LPXN: variants seen among roughly 807,000 people sequenced by gnomAD.
The protein encoded by LPXN is leupaxin.
A neutral mutation model predicts 45.6 loss-of-function variants in LPXN; 28 were observed. That is an observed-to-expected ratio of 0.61 (90% CI 0.45 to 0.84). The LOEUF is 0.84. Among genes scored for constraint, LPXN ranks in the 40% least tolerant of loss-of-function variants. The pLI is 0.00. For missense variants in LPXN, 459 were observed against 475.0 expected, an observed-to-expected ratio of 0.97 and a Z score of 0.31; for synonymous variants, 166 against 169.9, an observed-to-expected ratio of 0.98 and a Z score of 0.18.
At chr11:58,554,361 A>T (rs1028181650) in intron 4 of LPXN, among the ~76,000 whole-genome samples, 12 of 151,992 alleles carry the variant, frequency 7.9e-5, no homozygotes, top group Non-Finnish European at 1.5e-4. Context: ...CTTCCACATC[A>T]TCAAGCCTTA....
At chr11:58,538,018 T>C in intron 7 of LPXN, among the ~76,000 whole-genome samples, 1 of 149,072 alleles carries the variant, frequency 6.7e-6, no homozygotes, top group Non-Finnish European at 1.5e-5. Flanking sequence ...TGAGAACATG[T>C]GGCGTTTGGT....
chr11:58,575,631 A>T, intron 1 of LPXN, 129 bp downstream of exon 1: 1 of 1,064,188 alleles, frequency 9.4e-7, no homozygotes, highest in Non-Finnish European at 1.5e-6. Context: ...AGGGCTGAGG[A>T]CAGGAAAGAA....
chr11:58,538,604 T>C (rs754205406), intron 7 of LPXN, among the ~76,000 whole-genome samples: 1 of 152,156 alleles, frequency 6.6e-6, no homozygotes. Context: ...TTTTTATATA[T>C]ACTGGAAATT....
intron 2 of LPXN, among the ~76,000 whole-genome samples, chr11:58,567,399 T>C (rs1459836904): frequency 6.6e-6 from 1 of 152,224 alleles, no homozygotes; most frequent in Non-Finnish European, 1.5e-5. Flanking sequence ...AATTAATACA[T>C]TTTTGAATTG....
intron 7 of LPXN, among the ~76,000 whole-genome samples, chr11:58,547,214 CCTT>C (rs1463202751): frequency 1.5e-4 from 23 of 152,228 alleles, no homozygotes; most frequent in African/African-American, 5.5e-4. Context: ...TATCCATGGT[CCTT>C]CTATGAAAAT....
intron 7 of LPXN, among the ~76,000 whole-genome samples, chr11:58,529,176 T>C (rs537354222): frequency 2.4e-4 from 37 of 152,252 alleles, no homozygotes; most frequent in African/African-American, 7.9e-4. Context: ...TTTAGCTACA[T>C]AAAAATATAT....
chr11:58,570,737 T>G (rs1164262988), intron 1 of LPXN, 24 bp from the exon 2 acceptor site: 3 of 1,574,258 alleles, frequency 1.9e-6, no homozygotes, highest in Non-Finnish European at 2.6e-6. Flanking sequence ...AGCAAGAGAA[T>G]CATGACAGAG....
chr11:58,568,789 A>C (rs1164861042), intron 2 of LPXN, among the ~76,000 whole-genome samples: 1 of 152,204 alleles, frequency 6.6e-6, no homozygotes, highest in African/African-American at 2.4e-5. Context: ...TGTGAGAAAA[A>C]CAAGCATAAA....
At chr11:58,578,412 G>A (rs768742594), upstream of LPXN, among the ~76,000 whole-genome samples, 21 of 147,654 alleles carry the variant, frequency 1.4e-4, no homozygotes, top group African/African-American at 5.1e-4. Context: ...GAATGCCCTT[G>A]GTTAAGTTAA....
At chr11:58,557,532 G>A (rs1202349580) in intron 3 of LPXN, among the ~76,000 whole-genome samples, 1 of 152,144 alleles carries the variant, frequency 6.6e-6, no homozygotes, top group Non-Finnish European at 1.5e-5. Flanking sequence ...TAGATACACT[G>A]GTGATGAGAG....
At chr11:58,577,990 A>T, upstream of LPXN, 2 of 1,550,146 alleles carry the variant, frequency 1.3e-6, no homozygotes, top group Non-Finnish European at 1.7e-6. Flanking sequence ...GCTGACCTCT[A>T]GGAGCTCACA....
chr11:58,530,013 G>T (rs1293538812), intron 7 of LPXN, among the ~76,000 whole-genome samples: 1 of 152,196 alleles, frequency 6.6e-6, no homozygotes, highest in African/African-American at 2.4e-5. Context: ...CCCAGATACT[G>T]TGCTTTTCCC....
At chr11:58,578,152 A>G, upstream of LPXN, 1 of 1,408,536 alleles carries the variant, frequency 7.1e-7, no homozygotes, top group South Asian at 1.3e-5. Flanking sequence ...GCCCAGATAA[A>G]AAGTAAGAAA....
intron 7 of LPXN, among the ~76,000 whole-genome samples, chr11:58,532,923 A>C (rs963679736): frequency 1.3e-5 from 2 of 152,142 alleles, no homozygotes; most frequent in African/African-American, 4.8e-5. Context: ...ACTCACCGCG[A>C]AGGTCTGCAG....
At chr11:58,578,152 AAAGT>A (rs1854965707), upstream of LPXN, 7 of 1,408,416 alleles carry the variant, frequency 5.0e-6, no homozygotes, top group East Asian at 2.6e-5. Flanking sequence ...GCCCAGATAA[AAAGT>A]AAGAAAAAGT....
chr11:58,552,557 T>C (rs1854081945), intron 4 of LPXN, among the ~76,000 whole-genome samples: 1 of 152,192 alleles, frequency 6.6e-6, no homozygotes. Flanking sequence ...ATTAATACTA[T>C]GTTGTAAAAG....
At position 58,527,088 on chromosome 11, in the gene LPXN, A is replaced by G. The variant is rs1163153788; in HGVS notation, c.*366T>C. On this transcript the variant is annotated 3_prime_UTR_variant, in exon 9 of 9. Transcript: ENST00000395074. ...AAGTATCAGGACCAAATTAGAGAAG[A>G]TATGAGTAGGGCCATCACTAGAGGT... The G allele has an allele frequency of 5.3e-6, 1 of 188,342 alleles. No homozygotes were observed. Among genetic ancestry groups the G allele is most frequent in the Non-Finnish European group, 1.1e-5 (1 of 88,288 alleles). 11.7% of individuals were successfully genotyped at this position (188,342 alleles called of 1,614,324 possible).
chr11:58,576,003 G>T, upstream of LPXN: 1 of 1,343,550 alleles, frequency 7.4e-7, no homozygotes, highest in Non-Finnish European at 9.7e-7. Flanking sequence ...AAGGTAGATA[G>T]TAAGATTTGC....
intron 5 of LPXN, among the ~76,000 whole-genome samples, chr11:58,550,669 A>T (rs1439645170): frequency 6.6e-6 from 1 of 152,242 alleles, no homozygotes; most frequent in African/African-American, 2.4e-5. Flanking sequence ...CAATCAATTT[A>T]GACTGGGAAT....
Sources: allele counts gnomAD v4.1 joint callset (sites outside exome capture counted in the v4.1 genomes callset), GRCh38; gene constraint gnomAD v4.1.1; transcripts MANE v1.5; gene names NCBI Gene and HGNC (gene_info 2026-07-23, HGNC 2026-07-21).